SAMD12: variants seen among roughly 807,000 people sequenced by gnomAD.
SAMD12 encodes the protein sterile alpha motif domain-containing protein 12.
In SAMD12, 9 loss-of-function variants were observed where a neutral mutation model predicts 15.0. The ratio of observed to expected loss-of-function variants is 0.60; its 90% CI spans 0.36 to 1.05. The LOEUF (loss-of-function observed/expected upper bound fraction) is 1.05, where lower values mean the gene tolerates loss of function less well. SAMD12 is among the 50% of genes least tolerant of loss of function. SAMD12 has a pLI of 0.01. For missense variants in SAMD12, 230 were observed against 234.2 expected, an observed-to-expected ratio of 0.98 and a Z score of 0.12; for synonymous variants, 86 against 90.1, an observed-to-expected ratio of 0.96 and a Z score of 0.25.
At chr8:118,159,480 C>G in the SAMD12 span, among the ~76,000 whole-genome samples, 1 of 152,144 alleles carries the variant, frequency 6.6e-6, no homozygotes, top group Non-Finnish European at 1.5e-5. Flanking sequence ...GAGCCAAGTG[C>G]AGCCTGCCAG....
intron 2 of SAMD12, among the ~76,000 whole-genome samples, chr8:118,575,663 G>A (rs779335779): frequency 6.6e-6 from 1 of 152,212 alleles, no homozygotes; most frequent in Non-Finnish European, 1.5e-5. Flanking sequence ...TATAAGGAAC[G>A]CTCAAAGCTC....
intron 3 of SAMD12, among the ~76,000 whole-genome samples, chr8:118,391,149 C>T (rs1230071900): frequency 6.6e-6 from 1 of 152,066 alleles, no homozygotes; most frequent in Admixed American, 6.6e-5. Flanking sequence ...TTTTTAAAAA[C>T]CCTAAAAGAT....
intron 1 of SAMD12, among the ~76,000 whole-genome samples, chr8:118,603,234 A>C (rs1827901714): frequency 6.6e-6 from 1 of 152,176 alleles, no homozygotes; most frequent in South Asian, 2.1e-4. Flanking sequence ...TTCAAAAAAC[A>C]ATCCCAGAAA....
chr8:118,565,664 A>C (rs960572723), intron 2 of SAMD12, among the ~76,000 whole-genome samples: 2 of 152,202 alleles, frequency 1.3e-5, no homozygotes, highest in Non-Finnish European at 2.9e-5. Context: ...CTTGGCTATA[A>C]CTAAGAAATT....
intron 3 of SAMD12, among the ~76,000 whole-genome samples, chr8:118,381,520 T>G (rs113725776): frequency 3.2e-4 from 49 of 152,270 alleles, no homozygotes; most frequent in Admixed American, 1.1e-3. Context: ...TGGGAGAGTA[T>G]CTTTCATTAT....
At chr8:118,344,628 A>T (rs1817541931) in intron 4 of SAMD12, among the ~76,000 whole-genome samples, 1 of 152,202 alleles carries the variant, frequency 6.6e-6, no homozygotes. Flanking sequence ...GCTCTCATGT[A>T]GAATAGCACT....
intron 1 of SAMD12, chr8:118,621,561 G>A (rs537002638): frequency 7.3e-6 from 4 of 551,032 alleles, no homozygotes; most frequent in Non-Finnish European, 1.3e-5. Context: ...AGGGACACTC[G>A]TCTCCACACC....
chr8:118,299,899 A>C (rs1485647064), intron 4 of SAMD12, among the ~76,000 whole-genome samples: 2 of 152,130 alleles, frequency 1.3e-5, no homozygotes, highest in Non-Finnish European at 1.5e-5. Context: ...TTACATCATA[A>C]AAGTTTCCTC....
At chr8:118,240,768 C>T (rs1812544848) in intron 4 of SAMD12, among the ~76,000 whole-genome samples, 3 of 151,140 alleles carry the variant, frequency 2.0e-5, no homozygotes, top group East Asian at 2.0e-4. Flanking sequence ...AATTTTTTTA[C>T]GAGGGAGGCA....
chr8:118,550,634 A>G (rs910676599), intron 2 of SAMD12, among the ~76,000 whole-genome samples: 1 of 152,162 alleles, frequency 6.6e-6, no homozygotes, highest in Non-Finnish European at 1.5e-5. Context: ...CGAGCAAAAT[A>G]ACCAGCTAAC....
In SAMD12 at chr8:118,333,975, C is replaced by CTG. The variant is rs777240048; in HGVS notation, c.433+45583_433+45584dup. Among the ~76,000 whole-genome samples, 196 of 144,722 alleles carry CTG rather than the reference C, an allele frequency of 1.4e-3. 1 individual carries two copies. Among genetic ancestry groups the CTG allele is most frequent in the Admixed American group, 3.0e-3 (43 of 14,288 alleles). The allele number at this position is 144,722 out of a possible 152,430, so 94.9% of individuals were successfully genotyped here. On this transcript the variant is annotated intron_variant, in intron 4 of 4. Transcript: ENST00000409003. ...ACATTGGCGGGGGGCAGGGGTGTGT[C>CTG]TGTGTGTGTGTGTGTGTGTGGGAGG...
chr8:118,418,347 C>T (rs1821817107), intron 3 of SAMD12, among the ~76,000 whole-genome samples: 1 of 152,034 alleles, frequency 6.6e-6, no homozygotes, highest in South Asian at 2.1e-4. Context: ...TTTAAATGTA[C>T]TAAAAACATC....
chr8:118,495,649 C>T (rs936935558), intron 2 of SAMD12, among the ~76,000 whole-genome samples: 1 of 151,306 alleles, frequency 6.6e-6, no homozygotes, highest in African/African-American at 2.4e-5. Context: ...TCCACGGTTA[C>T]TGACTGATAC....
chr8:118,421,717 C>T (rs944722668), intron 3 of SAMD12, among the ~76,000 whole-genome samples: 1 of 152,194 alleles, frequency 6.6e-6, no homozygotes, highest in African/African-American at 2.4e-5. Context: ...TTCCACCCTA[C>T]AAAACAGCAC....
chr8:118,438,687 C>T (rs1360832888), intron 3 of SAMD12, among the ~76,000 whole-genome samples: 1 of 152,142 alleles, frequency 6.6e-6, no homozygotes, highest in African/African-American at 2.4e-5. Context: ...TTCTGCTTAA[C>T]AAGTCCCTTT....
chr8:118,582,427 T>C (rs1827320073), intron 1 of SAMD12, among the ~76,000 whole-genome samples: 2 of 152,194 alleles, frequency 1.3e-5, no homozygotes, highest in African/African-American at 4.8e-5. Context: ...TATTCAATGA[T>C]ATTTCTTTAA....
At chr8:118,451,551 A>C (rs10096317) in intron 2 of SAMD12, among the ~76,000 whole-genome samples, 31 of 152,006 alleles carry the variant, frequency 2.0e-4, no homozygotes, top group African/African-American at 7.5e-4. Flanking sequence ...GTGAAGATCA[A>C]ATCAAATAAT....
Position 118,378,838 on chromosome 8 carries a change from T to C in SAMD12, c.*579A>G, listed in dbSNP as rs185388824. ...CTTTCTTCGAATTCTAGCTTTATTT[T>C]GTCACTTCCACAGTTATTGAGATCT... On this transcript the variant is annotated 3_prime_UTR_variant, in exon 4 of 4. Coordinates refer to ENST00000314727, the MANE Select transcript of SAMD12 (RefSeq NM_207506.3). 2.5e-5 allele frequency: 25 copies of C among 985,288 alleles called. No homozygotes were observed. Among genetic ancestry groups the C allele is most frequent in the Admixed American group, 1.2e-4 (2 of 16,314 alleles). 61.0% of individuals were successfully genotyped at this position (985,288 alleles called of 1,614,324 possible).
At chr8:118,534,821 G>A (rs1328233216) in intron 2 of SAMD12, among the ~76,000 whole-genome samples, 3 of 152,028 alleles carry the variant, frequency 2.0e-5, no homozygotes, top group Non-Finnish European at 2.9e-5. Context: ...TCTCTATGCC[G>A]TTTTTCTAGT....
Sources: gnomAD v4.1 joint callset for allele counts (sites outside exome capture counted in the v4.1 genomes callset) on GRCh38, gnomAD v4.1.1 for gene constraint, MANE v1.5 for transcripts, NCBI Gene and HGNC (gene_info 2026-07-23, HGNC 2026-07-21) for gene names.